Variants in BASP1 observed in about 807,000 individuals in gnomAD.
The protein encoded by BASP1 is brain abundant membrane attached signal protein 1, also known as brain acid soluble protein 1.
Under a neutral mutation model 2.2 loss-of-function variants are expected in BASP1, and 1 was observed. That is an observed-to-expected ratio of 0.46 (90% confidence interval 0.16 to 2.17). BASP1 has a LOEUF of 2.17. BASP1 is among the 30% of genes most tolerant of loss of function. BASP1 has a pLI of 0.27. For missense variants in BASP1, 352 were observed against 327.2 expected (o/e 1.08, Z -0.58); for synonymous variants, 187 against 154.2 (o/e 1.21, Z -1.58).
At chr5:17,266,843 G>T (rs1037319332) in intron 1 of BASP1, among the ~76,000 whole-genome samples, 3 of 138,718 alleles carry the variant, frequency 2.2e-5, no homozygotes, top group Non-Finnish European at 4.6e-5. Flanking sequence ...AAAAAAATCT[G>T]ACCTGGAACT....
At chr5:17,274,098 G>T (rs181763660) in intron 1 of BASP1, among the ~76,000 whole-genome samples, 3 of 152,296 alleles carry the variant, frequency 2.0e-5, no homozygotes, top group African/African-American at 7.2e-5. Flanking sequence ...AGAATTTCAA[G>T]ATTCAAATAC....
At chr5:17,255,681 T>G (rs1561173119) in intron 1 of BASP1, among the ~76,000 whole-genome samples, 1 of 152,154 alleles carries the variant, frequency 6.6e-6, no homozygotes, top group Non-Finnish European at 1.5e-5. Context: ...AATAGAACAT[T>G]CAGAATCATC....
chr5:17,243,920 T>C (rs1166705723), intron 1 of BASP1, among the ~76,000 whole-genome samples: 2 of 152,222 alleles, frequency 1.3e-5, no homozygotes, highest in Non-Finnish European at 2.9e-5. Context: ...GTTCATCGTG[T>C]GTGACTTTTC....
chr5:17,233,666 G>T (rs193102473), intron 1 of BASP1, among the ~76,000 whole-genome samples: 74 of 152,252 alleles, frequency 4.9e-4, no homozygotes, highest in Admixed American at 2.4e-3. Flanking sequence ...GAATGACATG[G>T]TATCGATGGT....
chr5:17,273,931 G>A (rs938590481), intron 1 of BASP1, among the ~76,000 whole-genome samples: 8 of 152,100 alleles, frequency 5.3e-5, no homozygotes, highest in Non-Finnish European at 1.0e-4. Context: ...ACATTTCAGT[G>A]GATTTTCACT....
chr5:17,261,256 T>C (rs6892031), intron 1 of BASP1, among the ~76,000 whole-genome samples: 6,937 of 152,298 alleles, frequency 0.046, 510 homozygotes, highest in African/African-American at 0.16. Flanking sequence ...ATTTATAATG[T>C]AGCAAGCCTG....
chr5:17,225,922 A>T lies in BASP1; in HGVS notation c.-10+8112A>T, dbSNP rs368086240. ...TGAAGTAGTCCTTAAAATATGGAACATAAGTGCTTAAGATGCTAAAACACT... is the reference window on the plus strand; with the variant it reads ...TGAAGTAGTCCTTAAAATATGGAACTTAAGTGCTTAAGATGCTAAAACACT... On this transcript the variant is annotated intron_variant, in intron 1 of 1. Coordinates refer to ENST00000322611, the MANE Select transcript of BASP1 (RefSeq NM_006317.5). 1.2e-4 allele frequency among the ~76,000 whole-genome samples: 19 copies of T among 152,360 alleles called. No individual in the cohort carries two copies. The East Asian group carries it at 2.1e-3, about 17-fold the overall frequency.
At chr5:17,239,771 C>CT (rs1380996261) in intron 1 of BASP1, among the ~76,000 whole-genome samples, 2 of 152,180 alleles carry the variant, frequency 1.3e-5, no homozygotes, top group Non-Finnish European at 2.9e-5. Context: ...AAGTAGAACT[C>CT]TTTTAGTCCA....
chr5:17,262,773 A>G (rs1243691306), intron 1 of BASP1, among the ~76,000 whole-genome samples: 1 of 151,912 alleles, frequency 6.6e-6, no homozygotes, highest in Non-Finnish European at 1.5e-5. Flanking sequence ...CCCTCTTGCT[A>G]GACTAGGCTC....
At chr5:17,244,410 G>T (rs1212312391) in intron 1 of BASP1, among the ~76,000 whole-genome samples, 2 of 152,172 alleles carry the variant, frequency 1.3e-5, no homozygotes, top group African/African-American at 4.8e-5. Flanking sequence ...GATCCCTAAT[G>T]CATGAGTGTC....
chr5:17,224,440 A>G (rs1739452519), intron 1 of BASP1, among the ~76,000 whole-genome samples: 1 of 131,578 alleles, frequency 7.6e-6, no homozygotes, highest in Non-Finnish European at 1.6e-5. Flanking sequence ...CTTAGGTAAT[A>G]TGGACTCTTC....
At chr5:17,229,864 A>G (rs1264443202) in intron 1 of BASP1, among the ~76,000 whole-genome samples, 1 of 149,444 alleles carries the variant, frequency 6.7e-6, no homozygotes, top group Non-Finnish European at 1.5e-5. Flanking sequence ...GCTCACTGCA[A>G]CCTCTGCCTC....
In BASP1 at chr5:17,275,947, C is replaced by G. The variant is rs1740647819; in HGVS notation, c.*47C>G. ...ACAATACCACTTAAAACAATCTCCT[C>G]TCTCTCTCTCTCTCTCTCTCTCTAT... On this transcript the variant is annotated 3_prime_UTR_variant, in exon 2 of 2. Transcript: ENST00000322611. This position sits in a 1 kb window ranked among gnomAD's most constrained non-coding sequence, Gnocchi z 5.3. 8.7e-6 allele frequency: 3 copies of G among 345,882 alleles called. No individual in the cohort carries two copies. Among genetic ancestry groups the G allele is most frequent in the South Asian group, 5.9e-5 (1 of 16,944 alleles). The allele number at this position is 345,882 out of a possible 1,614,324, so 21.4% of individuals were successfully genotyped here.
At chr5:17,243,373 C>T (rs116592093) in intron 1 of BASP1, among the ~76,000 whole-genome samples, 2,828 of 152,186 alleles carry the variant, frequency 0.019, 82 homozygotes, top group Middle Eastern at 0.075. Context: ...AGGCTAGTCT[C>T]GAAGTCCTGA....
chr5:17,245,794 C>T (rs974848438), intron 1 of BASP1, among the ~76,000 whole-genome samples: 6 of 152,004 alleles, frequency 3.9e-5, no homozygotes, highest in Non-Finnish European at 5.9e-5. Flanking sequence ...AAATTGAGAT[C>T]ACAGTGAATA....
At chr5:17,239,030 A>G (rs1341995383) in intron 1 of BASP1, among the ~76,000 whole-genome samples, 1 of 152,224 alleles carries the variant, frequency 6.6e-6, no homozygotes, top group South Asian at 2.1e-4. Flanking sequence ...ATAAAACCAC[A>G]CAATTCCCTT....
rs966196479 is a variant in BASP1 at position 17,236,280 on chromosome 5, T to G, written c.-10+18470T>G. 1.4e-4 allele frequency among the ~76,000 whole-genome samples: 21 copies of G among 152,296 alleles called. No homozygotes were observed. Among genetic ancestry groups the G allele is most frequent in the Admixed American group, 2.0e-4 (3 of 15,296 alleles). On this transcript the variant is annotated intron_variant, in intron 1 of 1. Coordinates refer to ENST00000322611, the MANE Select transcript of BASP1 (RefSeq NM_006317.5). This position sits in a 1 kb window ranked among gnomAD's most constrained non-coding sequence, Gnocchi z 4.0. ...GAGAGCGAGTTTCTTTTCTTTTTTTTGGGATGGAGTTTCACTCTTGTTGCC... is the reference window on the plus strand; with the variant it reads ...GAGAGCGAGTTTCTTTTCTTTTTTTGGGGATGGAGTTTCACTCTTGTTGCC...
chr5:17,261,895 T>G (rs765149382), intron 1 of BASP1, among the ~76,000 whole-genome samples: 7 of 152,258 alleles, frequency 4.6e-5, no homozygotes, highest in Non-Finnish European at 1.0e-4. Flanking sequence ...CCTCATGTGC[T>G]CTGTGAGCCC....
chr5:17,275,997 TCTC>T lies in BASP1; in HGVS notation c.*101_*103del. The T allele has an allele frequency of 9.2e-7, 1 of 1,084,816 alleles. No individual in the cohort carries two copies. The highest frequency in any genetic ancestry group is 1.3e-6 in the Non-Finnish European group (1 of 796,568). 67.2% of individuals were successfully genotyped at this position (1,084,816 alleles called of 1,614,324 possible). A position where few individuals can be genotyped will look rare whatever the true frequency, so the allele number is the denominator to read the frequency against. On this transcript the variant is annotated 3_prime_UTR_variant, in exon 2 of 2. Transcript: ENST00000322611. The surrounding 1 kb of genome is among the most constrained non-coding windows in gnomAD (Gnocchi z 5.3). ...TCTCTCTCTCTATCTCCTCTCTCTC[TCTC>T]CTCTCCTATCTCTCCTCTCTCTCTC...
Sources: gnomAD v4.1 joint callset for allele counts (sites outside exome capture counted in the v4.1 genomes callset) on GRCh38, gnomAD v4.1.1 for gene constraint, Gnocchi (gnomAD v3.1) non-coding constraint, MANE v1.5 for transcripts, NCBI Gene and HGNC (gene_info 2026-07-23, HGNC 2026-07-21) for gene names.